CBL: variants seen among roughly 807,000 people sequenced by gnomAD.
CBL encodes the protein Cbl proto-oncogene, also known as E3 ubiquitin-protein ligase CBL.
A neutral mutation model predicts 96.9 loss-of-function variants in CBL; 45 were observed. That is an observed-to-expected ratio of 0.46 (90% confidence interval 0.37 to 0.60). The LOEUF (loss-of-function observed/expected upper bound fraction) is 0.60, where lower values mean the gene tolerates loss of function less well. Ranked by LOEUF, CBL falls within the 20% of genes least tolerant of loss-of-function variation. The probability of loss-of-function intolerance (pLI) is 0.00; values close to 1 mark genes in which losing one functional copy is unlikely to be tolerated. For missense variants in CBL, 1,024 were observed against 1,143.5 expected (o/e 0.90, Z 1.51); for synonymous variants, 420 against 426.8 (o/e 0.98, Z 0.20).
intron 11 of CBL, among the ~76,000 whole-genome samples, chr11:119,287,495 A>G (rs1949992660): frequency 6.6e-6 from 1 of 152,158 alleles, no homozygotes; most frequent in Admixed American, 6.5e-5. Context: ...GTGAGTGTGG[A>G]TTAGGTTTGA....
rs1950094177 is a variant in CBL at position 119,300,500 on chromosome 11, T to C, written c.*719T>C. On this transcript the variant is annotated 3_prime_UTR_variant, in exon 16 of 16. Transcript: ENST00000264033. ...GCAGCTTATGGGATGTTCTTTATTG[T>C]GTGTGATGGTATTGGTTTGTTTGGT... The C allele has an allele frequency of 2.5e-6, 1 of 400,976 alleles. No homozygotes were observed. Among genetic ancestry groups the C allele is most frequent in the African/African-American group, 2.1e-5 (1 of 48,606 alleles). The allele number at this position is 400,976 out of a possible 1,614,324, so 24.8% of individuals were successfully genotyped here. A position where few individuals can be genotyped will look rare whatever the true frequency, so the allele number is the denominator to read the frequency against.
intron 9 of CBL, among the ~76,000 whole-genome samples, chr11:119,282,789 T>C (rs1332123068): frequency 6.6e-6 from 1 of 152,098 alleles, no homozygotes; most frequent in African/African-American, 2.4e-5. Flanking sequence ...CTAGGTTGTT[T>C]TAATAAATCA....
intron 2 of CBL, among the ~76,000 whole-genome samples, chr11:119,255,366 A>G (rs1172855513): frequency 6.6e-6 from 1 of 152,164 alleles, no homozygotes; most frequent in Non-Finnish European, 1.5e-5. Flanking sequence ...TGAGATCATG[A>G]TGGCTTGGAC....
At chr11:119,280,249 C>T (rs1949922953) in intron 9 of CBL, among the ~76,000 whole-genome samples, 1 of 152,166 alleles carries the variant, frequency 6.6e-6, no homozygotes, top group Admixed American at 6.5e-5. Context: ...TGTATTTCAA[C>T]TGTGATAGAG....
intron 2 of CBL, among the ~76,000 whole-genome samples, chr11:119,242,399 A>G (rs1326528950): frequency 6.6e-6 from 1 of 151,878 alleles, no homozygotes; most frequent in Non-Finnish European, 1.5e-5. Flanking sequence ...TCAGCTGGGC[A>G]TGGTGGCGGG....
chr11:119,225,052 GTGT>G (rs1949446884), intron 1 of CBL, among the ~76,000 whole-genome samples: 5 of 148,640 alleles, frequency 3.4e-5, no homozygotes, highest in Admixed American at 6.7e-5. Flanking sequence ...TCTTTGGGGT[GTGT>G]GTGTGTGTGT....
At chr11:119,232,147 C>T (rs1441223307) in intron 1 of CBL, among the ~76,000 whole-genome samples, 1 of 151,974 alleles carries the variant, frequency 6.6e-6, no homozygotes, top group Admixed American at 6.6e-5. Flanking sequence ...AAGTAATTTG[C>T]CATATTTCAT....
chr11:119,291,499 G>C (rs1300224982), intron 12 of CBL, among the ~76,000 whole-genome samples: 1 of 152,194 alleles, frequency 6.6e-6, no homozygotes, highest in Non-Finnish European at 1.5e-5. Context: ...TGAACTCCGG[G>C]TTTGAGATCA....
chr11:119,303,731 T>C lies in CBL; in HGVS notation c.*3950T>C, dbSNP rs1950116455. ...TTGTTCCAACATAATTAGAATCTGT[T>C]TGGTGAGTTGAAAGGTAAGTTGGCT... On this transcript the variant is annotated 3_prime_UTR_variant, in exon 16 of 16. Coordinates refer to ENST00000264033, the MANE Select transcript of CBL (RefSeq NM_005188.4). The C allele has an allele frequency of 4.3e-6, 1 of 233,708 alleles. No homozygotes were observed. Among genetic ancestry groups the C allele is most frequent in the East Asian group, 6.0e-5 (1 of 16,586 alleles). The allele number at this position is 233,708 out of a possible 1,614,324, so 14.5% of individuals were successfully genotyped here. A position where few individuals can be genotyped will look rare whatever the true frequency, so the allele number is the denominator to read the frequency against.
intron 1 of CBL, among the ~76,000 whole-genome samples, chr11:119,211,967 T>G (rs1190688645): frequency 6.6e-6 from 1 of 152,196 alleles, no homozygotes; most frequent in East Asian, 1.9e-4. Context: ...TTGCCCAGAC[T>G]GGAGTGCAAT....
chr11:119,206,703 G>A (rs1230529371), intron 1 of CBL, 91 bp downstream of exon 1: 12 of 1,376,220 alleles, frequency 8.7e-6, no homozygotes, highest in Middle Eastern at 2.5e-4. Context: ...AAGCGGGGGA[G>A]GGGACGGGTC....
chr11:119,270,241 CTTTTTTT>C (rs768214554), intron 2 of CBL, among the ~76,000 whole-genome samples: 1 of 119,818 alleles, frequency 8.3e-6, no homozygotes, highest in African/African-American at 3.1e-5. Context: ...TGTGTGACAT[CTTTTTTT>C]TTTTTTTTTT....
At position 119,206,624 on chromosome 11, in the gene CBL, G is replaced by T. The variant is rs1040283004; in HGVS notation, c.195+12G>T. The T allele has an allele frequency of 2.0e-5, 31 of 1,545,848 alleles. 1 individual carries two copies. The East Asian group carries it at 6.7e-4, about 33-fold the overall frequency. ...AGCTCATGGACAAGGTGAAAGGCCG[G>T]CTGAGCGCCCGCTGTTGCAGGGTGG... is the stretch of plus-strand genomic sequence containing the variant. On this transcript the variant is annotated intron_variant, in intron 1 of 15. Coordinates refer to ENST00000264033, the MANE Select transcript of CBL (RefSeq NM_005188.4).
chr11:119,219,899 T>G (rs1949394536), intron 1 of CBL, among the ~76,000 whole-genome samples: 1 of 142,178 alleles, frequency 7.0e-6, no homozygotes, highest in Non-Finnish European at 1.5e-5. Flanking sequence ...ACCCAGGCTG[T>G]AGTGCAGTGG....
chr11:119,286,932 G>C (rs1443128156), intron 11 of CBL, among the ~76,000 whole-genome samples: 1 of 152,128 alleles, frequency 6.6e-6, no homozygotes, highest in African/African-American at 2.4e-5. Flanking sequence ...GCCCAAAGAA[G>C]GGTATAGAGA....
chr11:119,251,944 T>G (rs1055930431), intron 2 of CBL, among the ~76,000 whole-genome samples: 6 of 152,206 alleles, frequency 3.9e-5, no homozygotes, highest in Non-Finnish European at 8.8e-5. Context: ...AGAACGTCTT[T>G]CCTGCCAGGC....
At chr11:119,240,005 A>G (rs1244520733) in intron 2 of CBL, among the ~76,000 whole-genome samples, 1 of 152,174 alleles carries the variant, frequency 6.6e-6, no homozygotes, top group Non-Finnish European at 1.5e-5. Flanking sequence ...AAATTGCACT[A>G]AAGAGGCTGG....
chr11:119,270,434 A>ATTTTT (rs1565870000), intron 2 of CBL, among the ~76,000 whole-genome samples: 15 of 41,540 alleles, frequency 3.6e-4, no homozygotes, highest in South Asian at 1.5e-3. Flanking sequence ...ATATATATAT[A>ATTTTT]TATTTTTTTT....
In CBL at chr11:119,306,701, T is replaced by G. The variant is rs1368350956; in HGVS notation, c.*6920T>G. On this transcript the variant is annotated 3_prime_UTR_variant, in exon 16 of 16. Transcript: ENST00000264033. ...TCCATGGCCTGTTTCTCCTGCTGTC[T>G]GGGTGAGTGAGCCTGCAACGCAATG... 2 of 261,624 alleles carry G rather than the reference T, an allele frequency of 7.6e-6. No homozygotes were observed. Among genetic ancestry groups the G allele is most frequent in the Non-Finnish European group, 1.5e-5 (2 of 137,388 alleles). The allele number at this position is 261,624 out of a possible 1,614,324, so 16.2% of individuals were successfully genotyped here.
Sources: allele counts gnomAD v4.1 joint callset (sites outside exome capture counted in the v4.1 genomes callset), GRCh38; gene constraint gnomAD v4.1.1; transcripts MANE v1.5; gene names NCBI Gene and HGNC (gene_info 2026-07-23, HGNC 2026-07-21).